Variants in FSD2 observed in about 807,000 individuals in gnomAD.
FSD2 encodes fibronectin type III and SPRY domain containing 2.
A neutral mutation model predicts 80.4 loss-of-function variants in FSD2; 71 were observed. That is an observed-to-expected ratio of 0.88 (90% CI 0.73 to 1.08). FSD2 has a LOEUF of 1.08. Ranked by LOEUF, FSD2 falls within the 50% of genes least tolerant of loss-of-function variation. FSD2 has a pLI of 0.00. For synonymous variants in FSD2, 361 were observed against 329.5 expected (o/e 1.10, Z -1.03); for missense variants, 923 against 913.8 (o/e 1.01, Z -0.13).
intron 1 of FSD2, among the ~76,000 whole-genome samples, chr15:82,800,605 T>C (rs2050386876): frequency 6.9e-6 from 1 of 144,812 alleles, no homozygotes; most frequent in African/African-American, 2.6e-5. Context: ...GGCATGAGAA[T>C]CGCTTGAACC....
rs942412101 is a variant in FSD2 at position 82,794,426 on chromosome 15, A to G, written c.-78-6958T>C. Among the ~76,000 whole-genome samples the G allele has an allele frequency of 2.6e-5, 4 of 152,204 alleles. No homozygotes were observed. In the East Asian group the frequency reaches 5.8e-4, roughly 22 times the overall value. On this transcript the variant is annotated intron_variant, in intron 1 of 12. Transcript: ENST00000334574. ...TGGTCTGTCTTAGAGAACGTTCCAT[A>G]GGCATTTGGGAAGAATGTGTATTCT...
intron 12 of FSD2, among the ~76,000 whole-genome samples, chr15:82,759,927 G>A (rs1596223538): frequency 6.6e-6 from 1 of 151,866 alleles, no homozygotes; most frequent in South Asian, 2.1e-4. Context: ...CTGAGTAGCT[G>A]GGATTACAGG....
In FSD2 at chr15:82,757,029, G is replaced by C. The variant is rs1233968741; in HGVS notation, c.*2319C>G. Reference sequence around the variant, plus strand: ...TTTTTTACAAAAATACAAAAGTTTTGCTTGGTTCTGTTCTAGATGTTTTCT... The same window carrying C: ...TTTTTTACAAAAATACAAAAGTTTTCCTTGGTTCTGTTCTAGATGTTTTCT... On this transcript the variant is annotated 3_prime_UTR_variant, in exon 13 of 13. Transcript: ENST00000334574. 6.6e-6 allele frequency: 1 copy of C among 152,064 alleles called. No homozygotes were observed. The highest frequency in any genetic ancestry group is 1.5e-5 in the Non-Finnish European group (1 of 68,014). 9.4% of individuals were successfully genotyped at this position (152,064 alleles called of 1,614,324 possible).
chr15:82,768,968 A>C lies in FSD2; in HGVS notation c.1465T>G (p.Cys489Gly), dbSNP rs1474841828. 1 of 1,607,402 alleles carries C rather than the reference A, an allele frequency of 6.2e-7. No individual in the cohort carries two copies. Among genetic ancestry groups the C allele is most frequent in the Non-Finnish European group, 8.5e-7 (1 of 1,177,126 alleles). ...GGATTCAGGTTCCCAGACTCCCAGC[A>C]AATCAGCACAGCCTCTTCACAGCTC... ...IRSCEEAVLI[C>G]WESGNLNPVD... Residue 489 changes from cysteine to glycine, a missense_variant, in exon 9 of 13, where the codon TGC becomes GGC. Physicochemically the swap from Cys to Gly is radical, Grantham distance 159. Coordinates refer to ENST00000334574, the MANE Select transcript of FSD2 (RefSeq NM_001007122.4).
chr15:82,787,508 G>A, intron 1 of FSD2, 40 bp from the exon 2 acceptor site: 1 of 950,292 alleles, frequency 1.1e-6, no homozygotes, highest in Non-Finnish European at 1.6e-6. Flanking sequence ...TTCTGGAGAA[G>A]GGCATTGCAG....
chr15:82,771,939 G>A (rs1265865744), intron 7 of FSD2, 134 bp downstream of exon 7: 5 of 940,648 alleles, frequency 5.3e-6, no homozygotes, highest in African/African-American at 5.1e-5. Flanking sequence ...CTGTTCACCT[G>A]CCTGCATCCA....
At chr15:82,793,521 C>A (rs938640917) in intron 1 of FSD2, among the ~76,000 whole-genome samples, 1 of 152,188 alleles carries the variant, frequency 6.6e-6, no homozygotes, top group African/African-American at 2.4e-5. Flanking sequence ...CTACCAATCA[C>A]ACATGCAGAA....
intron 1 of FSD2, among the ~76,000 whole-genome samples, chr15:82,788,356 A>G (rs2050058694): frequency 6.7e-6 from 1 of 148,318 alleles, no homozygotes; most frequent in African/African-American, 2.5e-5. Flanking sequence ...AAAAAAAAAA[A>G]TGCCAGGCAT....
intron 1 of FSD2, among the ~76,000 whole-genome samples, chr15:82,790,663 C>T (rs1254060160): frequency 2.0e-5 from 3 of 151,716 alleles, no homozygotes; most frequent in East Asian, 1.9e-4. Flanking sequence ...GCAACCTCCG[C>T]CTCCCGGGTT....
rs553602721 is a variant in FSD2, at chr15:82,756,203, G to A, written c.*3145C>T. ...TTGATAGGAAGGTGACTAGAAATTG[G>A]CGAAGTTTTCTTGGTAAGTTGAGGA... On this transcript the variant is annotated 3_prime_UTR_variant, in exon 13 of 13. Coordinates refer to ENST00000334574, the MANE Select transcript of FSD2 (RefSeq NM_001007122.4). The A allele has an allele frequency of 7.0e-6, 2 of 284,466 alleles. No homozygotes were observed. Among genetic ancestry groups the A allele is most frequent in the South Asian group, 3.4e-5 (1 of 29,230 alleles). The allele number at this position is 284,466 out of a possible 1,614,324, so 17.6% of individuals were successfully genotyped here.
At position 82,757,208 on chromosome 15, in the gene FSD2, A is replaced by C. The variant is rs1384474756; in HGVS notation, c.*2140T>G. 1 of 152,194 alleles carries C rather than the reference A, an allele frequency of 6.6e-6. No homozygotes were observed. The highest frequency in any genetic ancestry group is 1.5e-5 in the Non-Finnish European group (1 of 68,042). 9.4% of individuals were successfully genotyped at this position (152,194 alleles called of 1,614,324 possible). A position where few individuals can be genotyped will look rare whatever the true frequency, so the allele number is the denominator to read the frequency against. ...AATAAAAATTTAATTAAAACTTTAT[A>C]CGTGTTGAGTTTTTAATCCATTTAT... On this transcript the variant is annotated 3_prime_UTR_variant, in exon 13 of 13. Transcript: ENST00000334574.
chr15:82,778,133 T>TAC (rs1425811747), intron 6 of FSD2, among the ~76,000 whole-genome samples: 1 of 126,726 alleles, frequency 7.9e-6, no homozygotes, highest in East Asian at 2.1e-4. Flanking sequence ...AAACCATATA[T>TAC]ATATATATAT....
intron 6 of FSD2, among the ~76,000 whole-genome samples, chr15:82,776,264 GC>G: frequency 1.3e-5 from 2 of 152,276 alleles, no homozygotes; most frequent in East Asian, 3.9e-4. Flanking sequence ...TCCAGGCTGG[GC>G]AACAGAGTGA....
At chr15:82,788,164 C>A (rs2050049695) in intron 1 of FSD2, among the ~76,000 whole-genome samples, 1 of 151,918 alleles carries the variant, frequency 6.6e-6, no homozygotes, top group Admixed American at 6.6e-5. Flanking sequence ...TATATGATAG[C>A]ACCTGCACAA....
intron 1 of FSD2, among the ~76,000 whole-genome samples, chr15:82,797,351 G>T (rs957828665): frequency 6.6e-6 from 1 of 152,194 alleles, no homozygotes; most frequent in Non-Finnish European, 1.5e-5. Context: ...GCTAAGCAAG[G>T]TTGCTCTGTT....
rs560864867 is a variant in FSD2, at chr15:82,772,204, G to A, written c.1136C>T (p.Pro379Leu). The A allele has an allele frequency of 3.7e-6, 6 of 1,612,318 alleles. No individual in the cohort carries two copies. In the Admixed American group the frequency reaches 8.4e-5, roughly 22 times the overall value. The change falls in exon 7 of 13, where the codon CCA becomes CTA. Residue 379 changes from proline (P) to leucine (L), a missense_variant. Coordinates refer to ENST00000334574, the MANE Select transcript of FSD2 (RefSeq NM_001007122.4). ...ACCTGTGGCTGAGTTAGGGACCTGTGGATTTATGACTGGAGCAGAAGGAGC... is the reference window on the plus strand; with the variant it reads ...ACCTGTGGCTGAGTTAGGGACCTGTAGATTTATGACTGGAGCAGAAGGAGC... ...IPAPSAPVINPQVPNSATGSS... is the reference protein window; with the variant it reads ...IPAPSAPVINLQVPNSATGSS...
At position 82,786,965 on chromosome 15, in the gene FSD2, CT is replaced by C; in HGVS notation, c.425del (p.Gln142ArgfsTer46). On this transcript the variant is annotated frameshift_variant, in exon 2 of 13. Coordinates refer to ENST00000334574, the MANE Select transcript of FSD2 (RefSeq NM_001007122.4). LOFTEE classifies it high-confidence loss of function. ...LGFGGWGSAG[Q>X]CQDLREAYRY... ...TATAGGCTTCCCGCAAGTCCTGGCA[CT>C]GGCCTGCTGAGCCCCACCCTCCGAA... The C allele has an allele frequency of 6.2e-7, 1 of 1,614,030 alleles. No individual in the cohort carries two copies. The highest frequency in any genetic ancestry group is 8.5e-7 in the Non-Finnish European group (1 of 1,179,898).
chr15:82,765,683 T>C (rs1256194638), intron 10 of FSD2, among the ~76,000 whole-genome samples: 1 of 152,188 alleles, frequency 6.6e-6, no homozygotes, highest in African/African-American at 2.4e-5. Context: ...TCTAACCTAT[T>C]TGCCAAGGGA....
intron 1 of FSD2, among the ~76,000 whole-genome samples, chr15:82,804,494 C>A (rs1321467837): frequency 6.6e-6 from 1 of 152,114 alleles, no homozygotes; most frequent in Non-Finnish European, 1.5e-5. Context: ...GTGCTTGAAT[C>A]CAAGCTTTTC....
Sources: gnomAD v4.1 joint callset for allele counts (sites outside exome capture counted in the v4.1 genomes callset) on GRCh38, gnomAD v4.1.1 for gene constraint, MANE v1.5 for transcripts, NCBI Gene and HGNC (gene_info 2026-07-23, HGNC 2026-07-21) for gene names.